EYA1: variants seen among roughly 807,000 people sequenced by gnomAD.
The protein encoded by EYA1 is EYA transcriptional coactivator and phosphatase 1, also known as protein phosphatase EYA1.
In EYA1, 16 loss-of-function variants were observed where a neutral mutation model predicts 82.0. The observed-to-expected ratio is 0.20, with a 90% CI of 0.13 to 0.30. The LOEUF is 0.30. Among genes scored for constraint, EYA1 ranks in the 10% least tolerant of loss-of-function variants. The pLI is 1.00. For synonymous variants in EYA1, 261 were observed against 264.4 expected (o/e 0.99, Z 0.12); for missense variants, 633 against 730.7 (o/e 0.87, Z 1.54).
At chr8:71,396,443 C>T (rs1023940256) in intron 2 of EYA1, among the ~76,000 whole-genome samples, 2 of 152,134 alleles carry the variant, frequency 1.3e-5, no homozygotes, top group African/African-American at 4.8e-5. Flanking sequence ...CTATAAATTT[C>T]CCTCTACACA....
At chr8:71,369,969 C>T (rs7816310) in intron 2 of EYA1, among the ~76,000 whole-genome samples, 12,356 of 151,808 alleles carry the variant, frequency 0.081, 600 homozygotes, top group Non-Finnish European at 0.1. Context: ...TAGGAATTTG[C>T]CATCCTGACA....
chr8:71,450,019 G>A lies in EYA1; in HGVS notation c.33+85725C>T, dbSNP rs113903858. ...CTTCAGATAATTGAAGAGAGTTAGG[G>A]CCTTGTTCTAGAGTAGACTTTGGCT... On this transcript the variant is annotated intron_variant, in intron 2 of 18. Transcript: ENST00000643681. 7.7e-3 allele frequency among the ~76,000 whole-genome samples: 1,179 copies of A among 152,254 alleles called. 11 individuals are homozygous for A. The highest frequency in any genetic ancestry group is 0.054 in the Middle Eastern group (16 of 294).
intron 11 of EYA1, among the ~76,000 whole-genome samples, chr8:71,264,550 C>T (rs1263309379): frequency 6.6e-6 from 1 of 151,522 alleles, no homozygotes; most frequent in African/African-American, 2.4e-5. Flanking sequence ...AGACTCTGTG[C>T]ATGGACTTTT....
intron 9 of EYA1, among the ~76,000 whole-genome samples, chr8:71,292,861 A>T (rs528014274): frequency 6.6e-6 from 1 of 152,208 alleles, no homozygotes; most frequent in East Asian, 1.9e-4. Context: ...CTAAAAATCA[A>T]TCATCTAAGC....
intron 10 of EYA1, among the ~76,000 whole-genome samples, chr8:71,270,745 T>C (rs1024082065): frequency 6.6e-6 from 1 of 152,224 alleles, no homozygotes; most frequent in Non-Finnish European, 1.5e-5. Flanking sequence ...CCAAAATATG[T>C]CTCATTAGAT....
chr8:71,456,155 C>T lies in EYA1; in HGVS notation c.33+79589G>A, dbSNP rs1002666038. Among the ~76,000 whole-genome samples, 53 of 152,260 alleles carry T rather than the reference C, an allele frequency of 3.5e-4. 1 individual carries two copies. The highest frequency in any genetic ancestry group is 1.3e-3 in the African/African-American group (53 of 41,540). ...CAAATCATGAGTGAACTCCCATTCA[C>T]AATTGCTTCAAAGAGAATCAAATAC... is the stretch of plus-strand genomic sequence containing the variant. On this transcript the variant is annotated intron_variant, in intron 2 of 18. Coordinates refer to the EYA1 transcript ENST00000643681.
At chr8:71,469,355 T>C (rs889017144) in intron 2 of EYA1, among the ~76,000 whole-genome samples, 1 of 152,058 alleles carries the variant, frequency 6.6e-6, no homozygotes, top group Non-Finnish European at 1.5e-5. Context: ...TACCTAACTA[T>C]GTGATTTGGA....
chr8:71,531,738 A>T (rs1335437583), intron 2 of EYA1, among the ~76,000 whole-genome samples: 1 of 152,182 alleles, frequency 6.6e-6, no homozygotes, highest in Non-Finnish European at 1.5e-5. Context: ...AACTGTGCTC[A>T]TCCAGATGGG....
chr8:71,346,749 C>T (rs1228317568), intron 3 of EYA1, among the ~76,000 whole-genome samples: 3 of 152,062 alleles, frequency 2.0e-5, no homozygotes, highest in Non-Finnish European at 4.4e-5. Context: ...TGTGGATGGA[C>T]AGCCCATAGC....
chr8:71,296,864 C>T (rs1202973196), intron 9 of EYA1, among the ~76,000 whole-genome samples: 1 of 152,046 alleles, frequency 6.6e-6, no homozygotes, highest in Non-Finnish European at 1.5e-5. Context: ...TGCCAAAAAA[C>T]TTAGCCTGAA....
intron 2 of EYA1, among the ~76,000 whole-genome samples, chr8:71,525,331 T>C (rs773672832): frequency 2.0e-5 from 3 of 152,178 alleles, no homozygotes; most frequent in Non-Finnish European, 4.4e-5. Context: ...TAAAAAAATA[T>C]ATGAGAATGT....
At chr8:71,357,881 C>A (rs1038812670) in intron 1 of EYA1, among the ~76,000 whole-genome samples, 4 of 152,050 alleles carry the variant, frequency 2.6e-5, no homozygotes, top group African/African-American at 7.2e-5. Flanking sequence ...CAACCTTCTG[C>A]GATTTTTGTT....
In EYA1 at chr8:71,351,543, GAAATAT is replaced by G. The variant is rs144024637; in HGVS notation, c.124+3233_124+3238del. Among the ~76,000 whole-genome samples, 936 of 152,276 alleles carry G rather than the reference GAAATAT, an allele frequency of 6.1e-3. 11 individuals are homozygous for G. Among genetic ancestry groups the G allele is most frequent in the African/African-American group, 0.022 (894 of 41,554 alleles). On this transcript the variant is annotated intron_variant, in intron 3 of 17. Coordinates refer to ENST00000340726, the MANE Select transcript of EYA1 (RefSeq NM_000503.6). ...AAAAATGTGAATAGTTGAAAGTTTT[GAAATAT>G]GAAACATTCAAACAACTATTATAAC...
At chr8:71,456,212 A>G (rs923232951) in intron 2 of EYA1, among the ~76,000 whole-genome samples, 1 of 152,200 alleles carries the variant, frequency 6.6e-6, no homozygotes, top group African/African-American at 2.4e-5. Flanking sequence ...GATGTGAAGG[A>G]CCTCTTCAAG....
At position 71,299,660 on chromosome 8, in the gene EYA1, G is replaced by A. The variant is rs1444096031; in HGVS notation, c.617C>T (p.Ser206Phe). 61 of 1,591,332 alleles carry A rather than the reference G, an allele frequency of 3.8e-5. No homozygotes were observed. Among genetic ancestry groups the A allele is most frequent in the Non-Finnish European group, 5.1e-5 (59 of 1,160,238 alleles). ...TACCTGCTGTGAACTATTAAATCCA[G>A]AGGAATTTGTGAGTGAATTATTTCC... ...YTGNNSLTNSSGFNSSQQDYP... is the reference protein window; with the variant it reads ...YTGNNSLTNSFGFNSSQQDYP... Residue 206 changes from serine to phenylalanine, a missense_variant, in exon 8 of 18, where the codon TCT becomes TTT. Physicochemically the swap from Ser to Phe is radical, Grantham distance 155 (BLOSUM62 -2). Transcript: ENST00000340726.
At chr8:71,388,742 C>T in intron 2 of EYA1, among the ~76,000 whole-genome samples, 1 of 152,126 alleles carries the variant, frequency 6.6e-6, no homozygotes, top group East Asian at 1.9e-4. Flanking sequence ...GTGAGCAGGT[C>T]TTTCTTGGCT....
At chr8:71,351,954 C>G (rs1423609596) in intron 3 of EYA1, among the ~76,000 whole-genome samples, 3 of 152,102 alleles carry the variant, frequency 2.0e-5, no homozygotes, top group Non-Finnish European at 4.4e-5. Flanking sequence ...GAAGTTCTGT[C>G]GACCTAATTA....
chr8:71,216,021 G>A (rs1006330623), intron 14 of EYA1, among the ~76,000 whole-genome samples: 1 of 152,266 alleles, frequency 6.6e-6, no homozygotes, highest in African/African-American at 2.4e-5. Flanking sequence ...GCCAGTGGAA[G>A]TCAGTCTTGG....
At chr8:71,437,107 T>C (rs919041517) in intron 2 of EYA1, among the ~76,000 whole-genome samples, 1 of 148,982 alleles carries the variant, frequency 6.7e-6, no homozygotes, top group African/African-American at 2.4e-5. Context: ...ATATATATCT[T>C]TTATAGATAT....
Sources: gnomAD v4.1 joint callset for allele counts (sites outside exome capture counted in the v4.1 genomes callset) on GRCh38, gnomAD v4.1.1 for gene constraint, MANE v1.5 for transcripts, NCBI Gene and HGNC (gene_info 2026-07-23, HGNC 2026-07-21) for gene names.